Variants in CDH13 observed in about 807,000 individuals in gnomAD.
CDH13 encodes cadherin 13, also known as cadherin-13.
Under a neutral mutation model 63.8 loss-of-function variants are expected in CDH13, and 24 were observed. The observed-to-expected ratio is 0.38, with a 90% CI of 0.27 to 0.53. The LOEUF (loss-of-function observed/expected upper bound fraction) is 0.53, where lower values mean the gene tolerates loss of function less well. Ranked by LOEUF, CDH13 falls within the 20% of genes least tolerant of loss-of-function variation. The probability of loss-of-function intolerance (pLI) is 0.85; values close to 1 mark genes in which losing one functional copy is unlikely to be tolerated. For synonymous variants in CDH13, 503 were observed against 355.3 expected, an observed-to-expected ratio of 1.42 and a Z score of -4.67; for missense variants, 1,049 against 903.1, an observed-to-expected ratio of 1.16 and a Z score of -2.07.
rs1567531884 is a variant in CDH13, at chr16:83,240,715, A to ACCTTTTTTTTTTTTTTTTTTTTTT, written c.636+23218_636+23219insCCTTTTTTTTTTTTTTTTTTTTTT. 4.0e-5 allele frequency among the ~76,000 whole-genome samples: 2 copies of ACCTTTTTTTTTTTTTTTTTTTTTT among 49,514 alleles called. 1 individual carries two copies. The highest frequency in any genetic ancestry group is 8.4e-5 in the Non-Finnish European group (2 of 23,722). The allele number at this position is 49,514 out of a possible 152,430, so 32.5% of individuals were successfully genotyped here. On this transcript the variant is annotated intron_variant, in intron 5 of 13. Transcript: ENST00000567109. The stretch of plus-strand genomic sequence containing the variant: ...ACATGACTTTAAATTTACTGTCTTA[A>ACCTTTTTTTTTTTTTTTTTTTTTT]TCTTTTTTTTTTTTTTTTTTTTTTT...
chr16:83,013,606 G>T (rs1288741346), intron 2 of CDH13, among the ~76,000 whole-genome samples: 2 of 152,188 alleles, frequency 1.3e-5, no homozygotes, highest in Non-Finnish European at 2.9e-5. Context: ...TCTCACCACA[G>T]AAAAGCAGAT....
chr16:83,365,596 G>T (rs950485860), intron 6 of CDH13, among the ~76,000 whole-genome samples: 1 of 152,166 alleles, frequency 6.6e-6, no homozygotes, highest in Non-Finnish European at 1.5e-5. Context: ...CTTTCTTAGT[G>T]TAATTAAGGT....
At chr16:83,785,153 A>G (rs1237478141) in intron 13 of CDH13, among the ~76,000 whole-genome samples, 1 of 152,204 alleles carries the variant, frequency 6.6e-6, no homozygotes, top group African/African-American at 2.4e-5. Context: ...AGGAGTTTGT[A>G]TACTGTCTTA....
At chr16:83,070,529 G>C (rs1216651625) in intron 3 of CDH13, among the ~76,000 whole-genome samples, 1 of 152,074 alleles carries the variant, frequency 6.6e-6, no homozygotes, top group Admixed American at 6.6e-5. Context: ...TAGCCTTGGT[G>C]CAGTATTAAA....
Position 83,761,999 on chromosome 16 carries a change from AGAGGTTGCAGT to A in CDH13, c.1681+13753_1681+13763del, listed in dbSNP as rs781367700. Among the ~76,000 whole-genome samples the A allele has an allele frequency of 1.5e-3, 225 of 152,294 alleles. 2 individuals carry two copies. The highest frequency in any genetic ancestry group is 2.8e-3 in the Non-Finnish European group (187 of 67,998). On this transcript the variant is annotated intron_variant, in intron 11 of 13. Transcript: ENST00000567109. ...GGAGAATCGCTTGACCCTGGGAGGC[AGAGGTTGCAGT>A]GAGCTAACGCCACTGCACTCCAGCC...
chr16:83,600,735 T>C (rs1907708877), intron 7 of CDH13, among the ~76,000 whole-genome samples: 1 of 152,176 alleles, frequency 6.6e-6, no homozygotes, highest in Admixed American at 6.6e-5. Flanking sequence ...TGTGTGATGA[T>C]TAAGAAATCT....
chr16:83,424,324 G>C (rs1224868149), intron 6 of CDH13, among the ~76,000 whole-genome samples: 1 of 152,216 alleles, frequency 6.6e-6, no homozygotes, highest in Admixed American at 6.5e-5. Context: ...AGCATGGACT[G>C]CTGTGCACCA....
intron 8 of CDH13, among the ~76,000 whole-genome samples, chr16:83,619,485 C>G (rs1003117670): frequency 1.3e-5 from 2 of 152,364 alleles, no homozygotes; most frequent in African/African-American, 4.8e-5. Context: ...TACCTCACAG[C>G]TCTGGAGGCA....
chr16:83,030,027 T>A (rs1217247280), intron 2 of CDH13, among the ~76,000 whole-genome samples: 1 of 152,130 alleles, frequency 6.6e-6, no homozygotes, highest in African/African-American at 2.4e-5. Context: ...AATAGAATTG[T>A]GTACCACATG....
At chr16:83,119,448 C>A (rs748319033) in intron 3 of CDH13, among the ~76,000 whole-genome samples, 2 of 152,138 alleles carry the variant, frequency 1.3e-5, no homozygotes, top group Non-Finnish European at 2.9e-5. Flanking sequence ...CACTGGTACC[C>A]CAAAATGCCT....
intron 3 of CDH13, among the ~76,000 whole-genome samples, chr16:83,082,180 G>T (rs943746918): frequency 1.3e-5 from 2 of 152,160 alleles, no homozygotes; most frequent in Non-Finnish European, 2.9e-5. Context: ...TTTGGAGGAG[G>T]ACACAGAAGT....
intron 2 of CDH13, among the ~76,000 whole-genome samples, chr16:82,937,514 C>G (rs2042708657): frequency 6.6e-6 from 1 of 152,138 alleles, no homozygotes; most frequent in South Asian, 2.1e-4. Context: ...TGTATATTTT[C>G]TCAGAGATCT....
At chr16:83,389,132 G>A (rs2091735593) in intron 6 of CDH13, among the ~76,000 whole-genome samples, 1 of 151,986 alleles carries the variant, frequency 6.6e-6, no homozygotes, top group Admixed American at 6.6e-5. Flanking sequence ...TTCTCAAACG[G>A]GTATGCATCA....
chr16:82,705,101 C>T (rs1167984615), intron 1 of CDH13: 5 of 455,784 alleles, frequency 1.1e-5, no homozygotes, highest in Non-Finnish European at 2.2e-5. Flanking sequence ...TCAAAACCTG[C>T]AATTTATCAA....
At chr16:82,860,393 G>A (rs959659635) in intron 2 of CDH13, among the ~76,000 whole-genome samples, 1 of 132,666 alleles carries the variant, frequency 7.5e-6, no homozygotes, top group Admixed American at 7.6e-5. Context: ...GTGTGTGGGG[G>A]GGGGGGCGGC....
intron 4 of CDH13, among the ~76,000 whole-genome samples, chr16:83,208,193 C>A (rs1447029083): frequency 6.6e-6 from 1 of 152,140 alleles, no homozygotes; most frequent in African/African-American, 2.4e-5. Flanking sequence ...CTCCATGTTT[C>A]TTCACCAGGG....
rs149168151 is a variant in CDH13, at chr16:82,702,013, G to A, written c.45+74876G>A. ...AGCGGCTTACAAAGAGCAAATAATC[G>A]TTGCTTATGGCACTCAAGGTGTTCT... On this transcript the variant is annotated intron_variant, in intron 1 of 13. Transcript: ENST00000567109. 8.0e-4 allele frequency among the ~76,000 whole-genome samples: 122 copies of A among 152,242 alleles called. 1 individual carries two copies. The East Asian group carries it at 0.019, about 24-fold the overall frequency.
At chr16:83,543,344 G>A (rs1211149982) in intron 7 of CDH13, among the ~76,000 whole-genome samples, 1 of 152,118 alleles carries the variant, frequency 6.6e-6, no homozygotes, top group African/African-American at 2.4e-5. Flanking sequence ...TCCACCTTAT[G>A]GAGCCCAATG....
At chr16:83,598,026 C>G (rs1907437703) in intron 7 of CDH13, among the ~76,000 whole-genome samples, 1 of 152,112 alleles carries the variant, frequency 6.6e-6, no homozygotes. Flanking sequence ...GACATTTAGA[C>G]AAGAAGTTCA....
Sources: gnomAD v4.1 joint callset for allele counts (sites outside exome capture counted in the v4.1 genomes callset) on GRCh38, gnomAD v4.1.1 for gene constraint, MANE v1.5 for transcripts, NCBI Gene and HGNC (gene_info 2026-07-23, HGNC 2026-07-21) for gene names.